The following CAMLG variants were observed in gnomAD, a reference collection of about 807,000 sequenced individuals.
CAMLG encodes the protein calcium modulating ligand, also known as guided entry of tail-anchored proteins factor CAMLG.
In CAMLG, 23 loss-of-function variants were observed where a neutral mutation model predicts 28.9. That is an observed-to-expected ratio of 0.80 (90% CI 0.57 to 1.13). The LOEUF (loss-of-function observed/expected upper bound fraction) is 1.13. Ranked by LOEUF, CAMLG falls within the 50% of genes most tolerant of loss-of-function variation. The pLI is 0.00. For missense variants in CAMLG, 367 were observed against 371.9 expected (o/e 0.99, Z 0.11); for synonymous variants, 141 against 146.5 (o/e 0.96, Z 0.27).
Position 134,738,728 on chromosome 5 carries a change from GCTCATGAA to G in CAMLG, c.112_119del (p.Met38GlyfsTer31). 1 of 1,614,142 alleles carries G rather than the reference GCTCATGAA, an allele frequency of 6.2e-7. No individual in the cohort carries two copies. The highest frequency in any genetic ancestry group is 8.5e-7 in the Non-Finnish European group (1 of 1,180,008). On this transcript the variant is annotated frameshift_variant, in exon 1 of 4. Transcript: ENST00000297156. LOFTEE classifies it high-confidence loss of function. Reference sequence around the variant, plus strand: ...GGGCGGAGCTGCGTCGGAGAAAGCTGCTCATGAACTCGGAACAGCGCATCAACCGGATC... The same window carrying G: ...GGGCGGAGCTGCGTCGGAGAAAGCTGCTCGGAACAGCGCATCAACCGGATC...
At chr5:134,749,822 C>T (rs1187814164) in intron 3 of CAMLG, among the ~76,000 whole-genome samples, 2 of 152,172 alleles carry the variant, frequency 1.3e-5, no homozygotes, top group African/African-American at 2.4e-5. Context: ...AAGAGATCCT[C>T]CCACCTCAGC....
chr5:134,746,665 C>T (rs921713773), intron 3 of CAMLG, among the ~76,000 whole-genome samples: 5 of 151,916 alleles, frequency 3.3e-5, no homozygotes, highest in African/African-American at 1.2e-4. Flanking sequence ...TTAGTAGAGA[C>T]GAGGTGTCAC....
chr5:134,750,218 C>T (rs1242595378), intron 3 of CAMLG, among the ~76,000 whole-genome samples: 1 of 151,928 alleles, frequency 6.6e-6, no homozygotes, highest in Admixed American at 6.6e-5. Context: ...TGTCATACTT[C>T]CAAGATAACA....
intron 3 of CAMLG, among the ~76,000 whole-genome samples, chr5:134,748,198 T>C (rs1268447163): frequency 1.3e-5 from 2 of 152,040 alleles, no homozygotes; most frequent in African/African-American, 4.8e-5. Flanking sequence ...CCCAAAGTGC[T>C]GGGATTACAG....
chr5:134,745,294 G>T (rs1473264845), intron 3 of CAMLG, among the ~76,000 whole-genome samples: 1 of 151,964 alleles, frequency 6.6e-6, no homozygotes, highest in Non-Finnish European at 1.5e-5. Flanking sequence ...AAGTTAGCCG[G>T]GCGTGGTGGC....
intron 2 of CAMLG, 27 bp downstream of exon 2, chr5:134,741,550 C>G: frequency 7.0e-7 from 1 of 1,426,808 alleles, no homozygotes; most frequent in Non-Finnish European, 9.7e-7. Flanking sequence ...AAATTATTAA[C>G]TAACTTAATG....
intron 1 of CAMLG, among the ~76,000 whole-genome samples, chr5:134,739,722 T>A (rs1752961465): frequency 6.6e-6 from 1 of 152,176 alleles, no homozygotes; most frequent in Non-Finnish European, 1.5e-5. Flanking sequence ...TTTAGGCAGT[T>A]CAAATGAGAG....
intron 2 of CAMLG, among the ~76,000 whole-genome samples, chr5:134,743,594 G>T (rs558513888): frequency 6.0e-5 from 9 of 149,912 alleles, no homozygotes; most frequent in Non-Finnish European, 1.2e-4. Context: ...ATTGCCAGGC[G>T]CGGTGTCTCA....
intron 3 of CAMLG, among the ~76,000 whole-genome samples, chr5:134,745,536 G>A (rs933246345): frequency 1.3e-5 from 2 of 151,884 alleles, no homozygotes; most frequent in Non-Finnish European, 2.9e-5. Context: ...TGGATCACCT[G>A]AGGTCAGGAG....
chr5:134,739,680 T>A (rs1561841322), intron 1 of CAMLG, among the ~76,000 whole-genome samples: 1 of 152,204 alleles, frequency 6.6e-6, no homozygotes. Context: ...TGACTTTTGT[T>A]CTGTAAGGCT....
chr5:134,742,491 T>G (rs1489818498), intron 2 of CAMLG, among the ~76,000 whole-genome samples: 1 of 152,222 alleles, frequency 6.6e-6, no homozygotes, highest in African/African-American at 2.4e-5. Flanking sequence ...CCTCTGGTCC[T>G]GAATATGAGG....
intron 3 of CAMLG, 24 bp from the exon 4 acceptor site, chr5:134,750,735 T>TA: frequency 1.3e-6 from 2 of 1,562,624 alleles, no homozygotes; most frequent in Non-Finnish European, 1.8e-6. Flanking sequence ...CTTTGAAGAT[T>TA]AATTTGAGTC....
chr5:134,744,738 T>G (rs1753025633), intron 3 of CAMLG, among the ~76,000 whole-genome samples: 2 of 152,154 alleles, frequency 1.3e-5, no homozygotes, highest in African/African-American at 4.8e-5. Flanking sequence ...AAAAATGGAT[T>G]TGATTATCTC....
chr5:134,749,224 C>T (rs1254593577), intron 3 of CAMLG, among the ~76,000 whole-genome samples: 9 of 152,042 alleles, frequency 5.9e-5, no homozygotes, highest in East Asian at 3.9e-4. Context: ...TGTGCCACCA[C>T]GCCTGGCTAA....
chr5:134,743,413 C>G (rs1753007102), intron 2 of CAMLG, among the ~76,000 whole-genome samples: 1 of 152,008 alleles, frequency 6.6e-6, no homozygotes, highest in Admixed American at 6.6e-5. Flanking sequence ...ATTTTCTTCA[C>G]CCTTCTGCAG....
At chr5:134,741,556 T>A (rs763522894) in intron 2 of CAMLG, 33 bp downstream of exon 2, 2 of 1,349,196 alleles carry the variant, frequency 1.5e-6, no homozygotes, top group Non-Finnish European at 2.1e-6. Flanking sequence ...TTAACTAACT[T>A]AATGGAAAAT....
intron 3 of CAMLG, among the ~76,000 whole-genome samples, chr5:134,748,475 T>C (rs557564724): frequency 2.0e-5 from 3 of 151,976 alleles, no homozygotes; most frequent in Admixed American, 6.6e-5. Flanking sequence ...AAGGCGGAGG[T>C]TGCAGTGGGC....
intron 3 of CAMLG, among the ~76,000 whole-genome samples, chr5:134,749,332 T>C (rs960285882): frequency 3.9e-5 from 6 of 152,180 alleles, no homozygotes; most frequent in African/African-American, 1.4e-4. Context: ...CCTCCCAAAG[T>C]GCTGGGATTA....
chr5:134,741,536 C>A lies in CAMLG; in HGVS notation c.633+13C>A, dbSNP rs976701779. On this transcript the variant is annotated intron_variant, in intron 2 of 3. Transcript: ENST00000297156. ...TTGCAAATACTTGGTAAGAAAAGATCTGTAAATTATTAACTAACTTAATGG... is the reference window on the plus strand; with the variant it reads ...TTGCAAATACTTGGTAAGAAAAGATATGTAAATTATTAACTAACTTAATGG... The A allele has an allele frequency of 1.1e-5, 16 of 1,518,094 alleles. No individual in the cohort carries two copies. The highest frequency in any genetic ancestry group is 4.5e-5 in the East Asian group (2 of 44,304). The allele number at this position is 1,518,094 out of a possible 1,614,324, so 94.0% of individuals were successfully genotyped here.
Sources: allele counts gnomAD v4.1 joint callset (sites outside exome capture counted in the v4.1 genomes callset), GRCh38; gene constraint gnomAD v4.1.1; transcripts MANE v1.5; gene names NCBI Gene and HGNC (gene_info 2026-07-23, HGNC 2026-07-21).